The following KPNA6 variants were observed in gnomAD, a reference collection of about 807,000 sequenced individuals.
KPNA6 encodes importin subunit alpha-7.
In KPNA6, 9 loss-of-function variants were observed where a neutral mutation model predicts 72.0. That is an observed-to-expected ratio of 0.13 (90% CI 0.08 to 0.22). The LOEUF is 0.22. Ranked by LOEUF, KPNA6 falls within the 10% of genes least tolerant of loss-of-function variation. The probability of loss-of-function intolerance (pLI) is 1.00; values close to 1 mark genes in which losing one functional copy is unlikely to be tolerated. For missense variants in KPNA6, 374 were observed against 655.7 expected, an observed-to-expected ratio of 0.57 and a Z score of 4.69; for synonymous variants, 219 against 242.1, an observed-to-expected ratio of 0.90 and a Z score of 0.89.
chr1:32,166,953 A>G (rs573946447), intron 11 of KPNA6, among the ~76,000 whole-genome samples: 44 of 152,198 alleles, frequency 2.9e-4, no homozygotes, highest in Admixed American at 1.4e-3. Context: ...AAATAAATAA[A>G]TAAATAAATT....
At chr1:32,152,352 C>T (rs1452763607) in intron 1 of KPNA6, among the ~76,000 whole-genome samples, 1 of 151,710 alleles carries the variant, frequency 6.6e-6, no homozygotes, top group Non-Finnish European at 1.5e-5. Context: ...AAATAAAGAA[C>T]AACATGATGA....
At chr1:32,132,412 C>T (rs1192117949) in intron 1 of KPNA6, among the ~76,000 whole-genome samples, 2 of 152,232 alleles carry the variant, frequency 1.3e-5, no homozygotes, top group East Asian at 3.8e-4. Context: ...AATCCTCCCA[C>T]CTCCCAGGTA....
chr1:32,130,222 ATTTTTT>A (rs55953899), intron 1 of KPNA6, among the ~76,000 whole-genome samples: 4 of 103,136 alleles, frequency 3.9e-5, no homozygotes, highest in East Asian at 2.5e-4. Context: ...GTAGATAAAT[ATTTTTT>A]TTTTTTTTTT....
At chr1:32,134,239 A>T (rs1018278034) in intron 1 of KPNA6, among the ~76,000 whole-genome samples, 1 of 150,798 alleles carries the variant, frequency 6.6e-6, no homozygotes, top group African/African-American at 2.4e-5. Context: ...CCTTGGTGAC[A>T]GTACAACACT....
intron 1 of KPNA6, among the ~76,000 whole-genome samples, chr1:32,119,116 C>T (rs1337610984): frequency 1.4e-5 from 2 of 147,592 alleles, no homozygotes; most frequent in African/African-American, 2.5e-5. Context: ...CTGCAACCTC[C>T]ACCTCCTGGG....
chr1:32,109,262 C>T (rs1370796676), intron 1 of KPNA6, among the ~76,000 whole-genome samples: 2 of 151,942 alleles, frequency 1.3e-5, no homozygotes, highest in Non-Finnish European at 2.9e-5. Context: ...TCCTGCCTCC[C>T]GGGTTCAAGC....
At chr1:32,140,370 C>T (rs1452551855) in intron 1 of KPNA6, among the ~76,000 whole-genome samples, 2 of 150,914 alleles carry the variant, frequency 1.3e-5, no homozygotes, top group African/African-American at 2.4e-5. Flanking sequence ...GGCAACAGAG[C>T]GAGACTCTGT....
intron 1 of KPNA6, among the ~76,000 whole-genome samples, chr1:32,124,507 CTTT>C (rs562731872): frequency 1.5e-5 from 2 of 131,592 alleles, no homozygotes. Context: ...GAGGCCTCAT[CTTT>C]TTTTTTTTTT....
intron 1 of KPNA6, among the ~76,000 whole-genome samples, chr1:32,126,105 CA>C (rs1641530599): frequency 6.6e-6 from 1 of 151,126 alleles, no homozygotes; most frequent in African/African-American, 2.4e-5. Context: ...AGGCTGGTTG[CA>C]AACTCCTGGC....
At chr1:32,127,501 G>A (rs951311063) in intron 1 of KPNA6, among the ~76,000 whole-genome samples, 1 of 152,242 alleles carries the variant, frequency 6.6e-6, no homozygotes, top group African/African-American at 2.4e-5. Context: ...CAGAAGGGCT[G>A]TTGGAAAGGC....
At chr1:32,125,609 A>G (rs1195931786) in intron 1 of KPNA6, among the ~76,000 whole-genome samples, 4 of 152,166 alleles carry the variant, frequency 2.6e-5, no homozygotes, top group African/African-American at 9.7e-5. Flanking sequence ...TTGTTGGGTA[A>G]GGTTGAGCTT....
Position 32,172,659 on chromosome 1 carries a change from G to A in KPNA6, c.*1765G>A, listed in dbSNP as rs184113172. On this transcript the variant is annotated 3_prime_UTR_variant, in exon 14 of 14. Coordinates refer to ENST00000373625, the MANE Select transcript of KPNA6 (RefSeq NM_012316.5). ...CTTAGTGGCTTGCCTGTGCCTCTGG[G>A]TGGATTACATATGATAGTAAAGCCC... The A allele has an allele frequency of 3.7e-4, 58 of 158,412 alleles. No homozygotes were observed. Among genetic ancestry groups the A allele is most frequent in the Non-Finnish European group, 6.8e-4 (49 of 72,418 alleles). 9.8% of individuals were successfully genotyped at this position (158,412 alleles called of 1,614,324 possible).
At chr1:32,164,097 A>C (rs1344665124) in intron 10 of KPNA6, among the ~76,000 whole-genome samples, 1 of 151,926 alleles carries the variant, frequency 6.6e-6, no homozygotes, top group Non-Finnish European at 1.5e-5. Flanking sequence ...CCACCATTCT[A>C]TTTTCTGTAT....
chr1:32,120,288 A>G (rs1445260974), intron 1 of KPNA6, among the ~76,000 whole-genome samples: 3 of 150,232 alleles, frequency 2.0e-5, no homozygotes, highest in Non-Finnish European at 4.4e-5. Context: ...TCTGCCGCAC[A>G]GGCTGGAGTG....
At chr1:32,160,925 A>G (rs918594131) in intron 7 of KPNA6, among the ~76,000 whole-genome samples, 1 of 152,230 alleles carries the variant, frequency 6.6e-6, no homozygotes, top group Admixed American at 6.5e-5. Flanking sequence ...GGTAGGCCAG[A>G]GCAGGTGGAT....
intron 10 of KPNA6, among the ~76,000 whole-genome samples, chr1:32,165,705 A>T (rs1284119485): frequency 6.6e-6 from 1 of 151,212 alleles, no homozygotes; most frequent in Non-Finnish European, 1.5e-5. Context: ...CTATTTAAAG[A>T]AAAAAAATGA....
At position 32,122,979 on chromosome 1, in the gene KPNA6, T is replaced by A. The variant is rs937007464; in HGVS notation, c.4+14845T>A. On this transcript the variant is annotated intron_variant, in intron 1 of 13. Coordinates refer to ENST00000373625, the MANE Select transcript of KPNA6 (RefSeq NM_012316.5). ...TCTCAAAAAAAAAAAAAAAAAAAGTTTGGGTGTAAGGAGCAAAAAGGCAGT... is the reference window on the plus strand; with the variant it reads ...TCTCAAAAAAAAAAAAAAAAAAAGTATGGGTGTAAGGAGCAAAAAGGCAGT... Among the ~76,000 whole-genome samples the A allele has an allele frequency of 2.7e-5, 4 of 149,948 alleles. No individual in the cohort carries two copies. The East Asian group carries it at 7.8e-4, about 29-fold the overall frequency.
At chr1:32,138,719 TAA>T (rs1359429223) in intron 1 of KPNA6, among the ~76,000 whole-genome samples, 1 of 151,984 alleles carries the variant, frequency 6.6e-6, no homozygotes, top group Non-Finnish European at 1.5e-5. Context: ...GTTGGAAGGC[TAA>T]GAGAAAAATT....
chr1:32,148,702 G>A (rs532064375), intron 1 of KPNA6, among the ~76,000 whole-genome samples: 174 of 149,892 alleles, frequency 1.2e-3, no homozygotes, highest in Middle Eastern at 3.7e-3. Flanking sequence ...GATTACAGGC[G>A]CACGCCACCA....
Sources: allele counts gnomAD v4.1 joint callset (sites outside exome capture counted in the v4.1 genomes callset), GRCh38; gene constraint gnomAD v4.1.1; transcripts MANE v1.5; gene names NCBI Gene and HGNC (gene_info 2026-07-23, HGNC 2026-07-21).